ROBO1: variants seen among roughly 807,000 people sequenced by gnomAD.
The protein encoded by ROBO1 is roundabout homolog 1.
A neutral mutation model predicts 195.9 loss-of-function variants in ROBO1; 149 were observed. The ratio of observed to expected loss-of-function variants is 0.76; its 90% CI spans 0.67 to 0.87. ROBO1 has a LOEUF of 0.87. ROBO1 is among the 40% of genes least tolerant of loss of function. The probability of loss-of-function intolerance (pLI) is 0.00; values close to 1 mark genes in which losing one functional copy is unlikely to be tolerated. For synonymous variants in ROBO1, 816 were observed against 733.2 expected (o/e 1.11, Z -1.82); for missense variants, 1,933 against 2,068.3 (o/e 0.93, Z 1.27).
At chr3:79,722,186 G>T (rs201686001) in intron 1 of ROBO1, among the ~76,000 whole-genome samples, 1 of 150,502 alleles carries the variant, frequency 6.6e-6, no homozygotes, top group South Asian at 2.1e-4. Flanking sequence ...TAATTTAAAT[G>T]TTAAAAGTTA....
chr3:79,463,803 A>C (rs1475266006), intron 2 of ROBO1, among the ~76,000 whole-genome samples: 1 of 152,170 alleles, frequency 6.6e-6, no homozygotes, highest in Non-Finnish European at 1.5e-5. Context: ...CAAACCTCTC[A>C]ATTCATCTAA....
intron 1 of ROBO1, among the ~76,000 whole-genome samples, chr3:79,628,461 C>T (rs1185237839): frequency 6.6e-6 from 1 of 151,958 alleles, no homozygotes; most frequent in Non-Finnish European, 1.5e-5. Flanking sequence ...GAGAGGAGAA[C>T]GACACACATC....
intron 3 of ROBO1, among the ~76,000 whole-genome samples, chr3:78,964,608 A>G (rs1248601988): frequency 6.6e-6 from 1 of 152,154 alleles, no homozygotes; most frequent in African/African-American, 2.4e-5. Context: ...CACTCAATTC[A>G]CAGGGCTAGG....
intron 2 of ROBO1, among the ~76,000 whole-genome samples, chr3:79,524,689 A>T (rs1445160045): frequency 1.3e-5 from 2 of 152,154 alleles, no homozygotes; most frequent in Non-Finnish European, 2.9e-5. Context: ...TGAATTGATC[A>T]ATGTATGTTT....
intron 3 of ROBO1, among the ~76,000 whole-genome samples, chr3:79,066,814 T>C (rs2079010608): frequency 6.6e-6 from 1 of 151,904 alleles, no homozygotes; most frequent in South Asian, 2.1e-4. Flanking sequence ...CTAGCATGCC[T>C]CGAAATCCTG....
At position 78,867,724 on chromosome 3, in the gene ROBO1, A is replaced by G. The variant is rs144535071; in HGVS notation, c.499+70877T>C. Among the ~76,000 whole-genome samples the G allele has an allele frequency of 1.2e-3, 190 of 152,268 alleles. 1 individual carries two copies. The highest frequency in any genetic ancestry group is 4.4e-3 in the African/African-American group (184 of 41,560). On this transcript the variant is annotated intron_variant, in intron 4 of 30. Transcript: ENST00000464233. ...GGAGTTGAAACCAAATAACCCAGTG[A>G]GCTCTTCAGACTTCCAGAAATGCCT...
chr3:78,662,919 A>G lies in ROBO1; in HGVS notation c.1967-805T>C, dbSNP rs1461330632. ...AGCTTCTTAAAGTCTACACTCAAAAAAACATTTGCCCATTTCTGAAGCGGT... is the reference window on the plus strand; with the variant it reads ...AGCTTCTTAAAGTCTACACTCAAAAGAACATTTGCCCATTTCTGAAGCGGT... On this transcript the variant is annotated intron_variant, in intron 14 of 30. Transcript: ENST00000464233. 2.0e-5 allele frequency among the ~76,000 whole-genome samples: 3 copies of G among 152,144 alleles called. No individual in the cohort carries two copies. The East Asian group carries it at 5.8e-4, about 29-fold the overall frequency.
intron 2 of ROBO1, among the ~76,000 whole-genome samples, chr3:79,482,893 A>G (rs182331922): frequency 1.3e-5 from 2 of 152,198 alleles, no homozygotes; most frequent in African/African-American, 4.8e-5. Context: ...CCTCAAGTCC[A>G]TTTTCCTCTT....
chr3:79,157,451 T>C (rs983873883), intron 2 of ROBO1, among the ~76,000 whole-genome samples: 1 of 151,892 alleles, frequency 6.6e-6, no homozygotes, highest in Non-Finnish European at 1.5e-5. Context: ...GCCAGAGAGC[T>C]GTCTAAGGAT....
chr3:79,342,301 CAAA>C (rs996564431), intron 2 of ROBO1, among the ~76,000 whole-genome samples: 7 of 152,006 alleles, frequency 4.6e-5, no homozygotes, highest in Non-Finnish European at 1.0e-4. Flanking sequence ...ATAACTGTAG[CAAA>C]AAGAGACTGG....
chr3:78,660,008 C>A (rs1575862068), intron 16 of ROBO1: 1 of 347,504 alleles, frequency 2.9e-6, no homozygotes, highest in East Asian at 5.1e-5. Flanking sequence ...GCAACCTCCC[C>A]CTCCCGGGTT....
chr3:79,446,925 G>A (rs1477547339), intron 2 of ROBO1, among the ~76,000 whole-genome samples: 1 of 152,138 alleles, frequency 6.6e-6, no homozygotes, highest in Non-Finnish European at 1.5e-5. Flanking sequence ...CCGGGTTCAA[G>A]CAATTCTCCT....
At chr3:79,364,274 A>T (rs2035884116) in intron 2 of ROBO1, among the ~76,000 whole-genome samples, 1 of 145,576 alleles carries the variant, frequency 6.9e-6, no homozygotes, top group Admixed American at 6.8e-5. Flanking sequence ...ACACACACAT[A>T]TATATATATA....
chr3:79,440,149 A>G (rs1027621467), intron 2 of ROBO1, among the ~76,000 whole-genome samples: 1 of 152,008 alleles, frequency 6.6e-6, no homozygotes, highest in Non-Finnish European at 1.5e-5. Context: ...CTGTTGTGAG[A>G]GTCATCTTTT....
At chr3:79,261,097 T>G (rs1420509288) in intron 2 of ROBO1, among the ~76,000 whole-genome samples, 1 of 152,134 alleles carries the variant, frequency 6.6e-6, no homozygotes, top group Non-Finnish European at 1.5e-5. Context: ...AAGACCCTGG[T>G]AAATATCAGA....
chr3:79,662,702 A>T (rs1394691153), intron 1 of ROBO1, among the ~76,000 whole-genome samples: 2 of 152,042 alleles, frequency 1.3e-5, no homozygotes, highest in African/African-American at 4.8e-5. Context: ...TCAAATTCCC[A>T]GTGGACCCCA....
chr3:79,524,093 G>A (rs1941327805), intron 2 of ROBO1, among the ~76,000 whole-genome samples: 1 of 152,052 alleles, frequency 6.6e-6, no homozygotes, highest in African/African-American at 2.4e-5. Context: ...AATGGGATAG[G>A]AGTTTGGGAC....
intron 2 of ROBO1, among the ~76,000 whole-genome samples, chr3:79,173,051 T>C (rs1201480116): frequency 6.6e-6 from 1 of 152,210 alleles, no homozygotes; most frequent in East Asian, 1.9e-4. Flanking sequence ...TCTAGGTCTT[T>C]GTCTCAACCA....
intron 3 of ROBO1, among the ~76,000 whole-genome samples, chr3:78,950,360 A>G (rs1364671740): frequency 6.6e-6 from 1 of 151,894 alleles, no homozygotes. Flanking sequence ...TGTCCTTTGT[A>G]GGGACATGGA....
Sources: gnomAD v4.1 joint callset for allele counts (sites outside exome capture counted in the v4.1 genomes callset) on GRCh38, gnomAD v4.1.1 for gene constraint, MANE v1.5 for transcripts, NCBI Gene and HGNC (gene_info 2026-07-23, HGNC 2026-07-21) for gene names.